The following KCNQ3 variants were observed in gnomAD, a reference collection of about 807,000 sequenced individuals.
KCNQ3 encodes potassium voltage-gated channel subfamily KQT member 3.
KCNQ3 carries 30 observed loss-of-function variants against 92.5 expected under a neutral mutation model. The observed-to-expected ratio is 0.32, with a 90% confidence interval of 0.24 to 0.44. The LOEUF is 0.44. KCNQ3 is among the 20% of genes least tolerant of loss of function. The pLI is 1.00. For synonymous variants in KCNQ3, 450 were observed against 468.8 expected (o/e 0.96, Z 0.52); for missense variants, 913 against 1,140.3 (o/e 0.80, Z 2.87).
chr8:132,308,927 C>G (rs1330356814), intron 1 of KCNQ3, among the ~76,000 whole-genome samples: 11 of 152,124 alleles, frequency 7.2e-5, no homozygotes, highest in Admixed American at 7.2e-4. Context: ...TGAGGGTCAG[C>G]TTGATTGGAT....
intron 1 of KCNQ3, among the ~76,000 whole-genome samples, chr8:132,465,910 T>TA (rs1168530692): frequency 6.6e-6 from 1 of 151,770 alleles, no homozygotes; most frequent in Admixed American, 6.6e-5. Context: ...AGACCCTGTC[T>TA]AAAAAATAAA....
intron 1 of KCNQ3, among the ~76,000 whole-genome samples, chr8:132,335,691 T>C (rs1902819): frequency 0.78 from 118,778 of 152,152 alleles, 46,499 homozygotes; most frequent in East Asian, 0.93. Flanking sequence ...GAGAAACCAT[T>C]CAAGAGTTTT....
At chr8:132,334,993 T>TCTTCCTTC (rs68135959) in intron 1 of KCNQ3, among the ~76,000 whole-genome samples, 2,376 of 149,622 alleles carry the variant, frequency 0.016, 38 homozygotes, top group Middle Eastern at 0.078. Flanking sequence ...TAGACATTTT[T>TCTTCCTTC]CTTCCTTCCT....
chr8:132,281,036 A>G (rs1816497236), intron 1 of KCNQ3, among the ~76,000 whole-genome samples: 1 of 152,116 alleles, frequency 6.6e-6, no homozygotes. Flanking sequence ...TTGGGGTGGG[A>G]GGAGAAAGCT....
chr8:132,385,935 C>CAA (rs34547446), intron 1 of KCNQ3, among the ~76,000 whole-genome samples: 1,897 of 146,878 alleles, frequency 0.013, 32 homozygotes, highest in African/African-American at 0.044. Flanking sequence ...TCTATCCGGG[C>CAA]AAAAAAAAAA....
rs535278407 is a variant in KCNQ3 at position 132,374,843 on chromosome 8, C to A, written c.386+105304G>T. ...GCCTCCAGCTCCATCCATCTTCCTG[C>A]AAAAGACATGATCTCATTCTTTTTT... On this transcript the variant is annotated intron_variant, in intron 1 of 14. Transcript: ENST00000388996. Among the ~76,000 whole-genome samples, 32 of 152,300 alleles carry A rather than the reference C, an allele frequency of 2.1e-4. No individual in the cohort carries two copies. The South Asian group carries it at 6.0e-3, about 29-fold the overall frequency.
intron 2 of KCNQ3, among the ~76,000 whole-genome samples, chr8:132,184,621 G>A (rs893694324): frequency 7.2e-5 from 11 of 152,260 alleles, no homozygotes; most frequent in South Asian, 4.1e-4. Context: ...CTGGCACAGT[G>A]ATTACTCGTT....
intron 1 of KCNQ3, among the ~76,000 whole-genome samples, chr8:132,248,906 T>A (rs1815286585): frequency 6.6e-6 from 1 of 152,210 alleles, no homozygotes; most frequent in African/African-American, 2.4e-5. Context: ...TGCTGGTGTG[T>A]CCGGAATTGG....
At chr8:132,442,356 G>A (rs1271375248) in intron 1 of KCNQ3, among the ~76,000 whole-genome samples, 3 of 152,084 alleles carry the variant, frequency 2.0e-5, no homozygotes, top group Non-Finnish European at 4.4e-5. Context: ...CCTCTCCTCT[G>A]GAGAGCTTAG....
chr8:132,395,278 T>C (rs1820164172), intron 1 of KCNQ3, among the ~76,000 whole-genome samples: 1 of 152,238 alleles, frequency 6.6e-6, no homozygotes, highest in Non-Finnish European at 1.5e-5. Context: ...GAACATTCAA[T>C]ATCCCCCTTC....
chr8:132,390,343 T>TACTG (rs1408217137), intron 1 of KCNQ3, among the ~76,000 whole-genome samples: 1 of 152,174 alleles, frequency 6.6e-6, no homozygotes, highest in African/African-American at 2.4e-5. Flanking sequence ...AAAGGGACAG[T>TACTG]GCAGCACCTC....
chr8:132,128,959 C>T lies in KCNQ3; in HGVS notation c.*303G>A, dbSNP rs1824757183. On this transcript the variant is annotated 3_prime_UTR_variant, in exon 15 of 15. Transcript: ENST00000388996. ...ATAGCATGGCTCATCAGTAATTTCT[C>T]CCTGTACTGGTCCAATCGTGATTAA... 4.8e-6 allele frequency: 2 copies of T among 414,644 alleles called. No homozygotes were observed. The highest frequency in any genetic ancestry group is 8.8e-6 in the Non-Finnish European group (2 of 226,948). The allele number at this position is 414,644 out of a possible 1,614,324, so 25.7% of individuals were successfully genotyped here. A position where few individuals can be genotyped will look rare whatever the true frequency, so the allele number is the denominator to read the frequency against.
At chr8:132,347,256 C>A (rs1818716219) in intron 1 of KCNQ3, among the ~76,000 whole-genome samples, 1 of 152,294 alleles carries the variant, frequency 6.6e-6, no homozygotes, top group South Asian at 2.1e-4. Flanking sequence ...AAGTCCCTGG[C>A]CCTCTCTTTA....
chr8:132,388,498 A>T (rs1176322664), intron 1 of KCNQ3, among the ~76,000 whole-genome samples: 1 of 152,184 alleles, frequency 6.6e-6, no homozygotes, highest in African/African-American at 2.4e-5. Context: ...ACTATTAAAC[A>T]TCATCAATTA....
chr8:132,252,748 A>C (rs1262100080), intron 1 of KCNQ3, among the ~76,000 whole-genome samples: 1 of 152,130 alleles, frequency 6.6e-6, no homozygotes, highest in African/African-American at 2.4e-5. Flanking sequence ...GTGCATTTAC[A>C]ATCCTTTAAC....
chr8:132,211,244 T>A (rs1813842239), intron 1 of KCNQ3, among the ~76,000 whole-genome samples: 1 of 152,178 alleles, frequency 6.6e-6, no homozygotes, highest in African/African-American at 2.4e-5. Context: ...TAGACTCCAA[T>A]ACATGTGAGA....
rs940427793 is a variant in KCNQ3, at chr8:132,170,904, G to T, written c.1141-476C>A. Among the ~76,000 whole-genome samples, 5 of 151,356 alleles carry T rather than the reference G, an allele frequency of 3.3e-5. No individual in the cohort carries two copies. In the East Asian group the frequency reaches 9.7e-4, roughly 29 times the overall value. On this transcript the variant is annotated intron_variant, in intron 7 of 14. Transcript: ENST00000388996. ...CTTGGTGGCACGTGCCTGTAGTTCC[G>T]GCTACCTGGGAGGCTGAAGTGGGAG...
At chr8:132,214,168 C>T (rs1813952048) in intron 1 of KCNQ3, among the ~76,000 whole-genome samples, 1 of 152,200 alleles carries the variant, frequency 6.6e-6, no homozygotes. Flanking sequence ...GAAACTTTAC[C>T]TCTCTGAGCT....
chr8:132,440,456 C>T (rs555523146), intron 1 of KCNQ3, among the ~76,000 whole-genome samples: 20 of 152,288 alleles, frequency 1.3e-4, no homozygotes, highest in African/African-American at 4.6e-4. Flanking sequence ...TTGAGTCCTT[C>T]CTTCCCTCTG....
Sources: gnomAD v4.1 joint callset for allele counts (sites outside exome capture counted in the v4.1 genomes callset) on GRCh38, gnomAD v4.1.1 for gene constraint, MANE v1.5 for transcripts, NCBI Gene and HGNC (gene_info 2026-07-23, HGNC 2026-07-21) for gene names.